PTPRD: variants seen among roughly 807,000 people sequenced by gnomAD.
PTPRD encodes the protein protein tyrosine phosphatase receptor type D.
A neutral mutation model predicts 214.5 loss-of-function variants in PTPRD; 34 were observed. The observed-to-expected ratio is 0.16, with a 90% confidence interval of 0.12 to 0.21. The LOEUF (loss-of-function observed/expected upper bound fraction) is 0.21. Among genes scored for constraint, PTPRD ranks in the 10% least tolerant of loss-of-function variants. PTPRD has a pLI of 1.00. For missense variants in PTPRD, 2,545 were observed against 2,398.7 expected (o/e 1.06, Z -1.27); for synonymous variants, 1,128 against 845.7 (o/e 1.33, Z -5.79).
intron 2 of PTPRD, among the ~76,000 whole-genome samples, chr9:10,611,658 C>A (rs2081002743): frequency 6.6e-6 from 1 of 152,166 alleles, no homozygotes; most frequent in African/African-American, 2.4e-5. Flanking sequence ...TAGGAGACAC[C>A]TTAAACCTGT....
At chr9:9,089,439 T>C (rs2099772305) in intron 10 of PTPRD, among the ~76,000 whole-genome samples, 1 of 152,166 alleles carries the variant, frequency 6.6e-6, no homozygotes. Flanking sequence ...GTACGAATAT[T>C]AATATTTGAT....
chr9:9,955,669 G>A (rs1339635353), intron 4 of PTPRD, among the ~76,000 whole-genome samples: 13 of 151,942 alleles, frequency 8.6e-5, no homozygotes, highest in Non-Finnish European at 1.8e-4. Context: ...GACTACAGGT[G>A]CCCGCCACCA....
At chr9:9,927,805 A>G (rs1202842008) in intron 5 of PTPRD, among the ~76,000 whole-genome samples, 1 of 151,998 alleles carries the variant, frequency 6.6e-6, no homozygotes, top group Non-Finnish European at 1.5e-5. Flanking sequence ...TTCAGAGTCA[A>G]TTTCATTCTT....
intron 10 of PTPRD, among the ~76,000 whole-genome samples, chr9:9,099,661 A>C (rs919866111): frequency 7.9e-5 from 12 of 152,172 alleles, no homozygotes; most frequent in African/African-American, 2.2e-4. Flanking sequence ...TTTAAGAATA[A>C]AAATATTCCA....
At chr9:9,600,095 ATGT>A (rs1368669678) in intron 7 of PTPRD, among the ~76,000 whole-genome samples, 1 of 152,034 alleles carries the variant, frequency 6.6e-6, no homozygotes, top group East Asian at 1.9e-4. Flanking sequence ...GACTGATCTT[ATGT>A]TGTTTATGTG....
chr9:8,735,960 CAGAG>C (rs2090250126), intron 11 of PTPRD, among the ~76,000 whole-genome samples: 2 of 148,954 alleles, frequency 1.3e-5, no homozygotes, highest in Admixed American at 6.7e-5. Flanking sequence ...AAATAGGTCA[CAGAG>C]AGCCTTGGAT....
intron 4 of PTPRD, among the ~76,000 whole-genome samples, chr9:9,990,448 G>GCTCCCCTCCTTACCAC (rs1320341043): frequency 3.9e-5 from 6 of 152,150 alleles, no homozygotes; most frequent in African/African-American, 1.2e-4. Context: ...GGGCTTGGCG[G>GCTCCCCTCCTTACCAC]CTCCCCTCCT....
At chr9:9,718,912 AGCCGGAGGCAGACAGG>A (rs940567002) in intron 7 of PTPRD, among the ~76,000 whole-genome samples, 95 of 152,166 alleles carry the variant, frequency 6.2e-4, no homozygotes, top group Non-Finnish European at 1.1e-3. Context: ...CATTAATGGC[AGCCGGAGGCAGACAGG>A]TTCCTAAGTG....
At chr9:10,024,149 T>A (rs1473484044) in intron 4 of PTPRD, among the ~76,000 whole-genome samples, 6 of 152,156 alleles carry the variant, frequency 3.9e-5, no homozygotes, top group South Asian at 2.1e-4. Context: ...GGATAACAAA[T>A]GTTTCAGTAA....
At chr9:9,215,778 A>G (rs1179507584) in intron 9 of PTPRD, among the ~76,000 whole-genome samples, 1 of 152,216 alleles carries the variant, frequency 6.6e-6, no homozygotes, top group Non-Finnish European at 1.5e-5. Context: ...GATTCACTGT[A>G]GAATGATTCA....
chr9:10,199,140 C>T (rs1416776451), intron 3 of PTPRD, among the ~76,000 whole-genome samples: 1 of 151,756 alleles, frequency 6.6e-6, no homozygotes, highest in Non-Finnish European at 1.5e-5. Context: ...GGAGTGGATG[C>T]AGTACTCACA....
intron 8 of PTPRD, among the ~76,000 whole-genome samples, chr9:9,497,682 A>G (rs2096251141): frequency 6.6e-6 from 1 of 152,164 alleles, no homozygotes; most frequent in Non-Finnish European, 1.5e-5. Context: ...ACATTATCTC[A>G]TTTATAGAGA....
intron 11 of PTPRD, among the ~76,000 whole-genome samples, chr9:8,817,623 CCT>C (rs769703674): frequency 7.2e-5 from 11 of 151,810 alleles, no homozygotes; most frequent in African/African-American, 9.7e-5. Context: ...ACAGCAAGCC[CCT>C]GTCTCTAAAG....
chr9:10,501,970 T>C (rs2043889473), intron 2 of PTPRD, among the ~76,000 whole-genome samples: 1 of 151,980 alleles, frequency 6.6e-6, no homozygotes, highest in Non-Finnish European at 1.5e-5. Context: ...TCATTATGTT[T>C]TTAAAGCTCC....
intron 14 of PTPRD, among the ~76,000 whole-genome samples, chr9:8,558,866 T>C (rs2085034987): frequency 6.6e-6 from 1 of 152,160 alleles, no homozygotes; most frequent in African/African-American, 2.4e-5. Context: ...GTGCTTGGCA[T>C]TCTAAAAAAA....
chr9:8,392,061 G>C (rs949608775), intron 36 of PTPRD, among the ~76,000 whole-genome samples: 1 of 152,036 alleles, frequency 6.6e-6, no homozygotes, highest in South Asian at 2.1e-4. Context: ...TAGGCACCAG[G>C]AATCAATACT....
intron 14 of PTPRD, among the ~76,000 whole-genome samples, chr9:8,631,624 G>A (rs920031101): frequency 7.9e-5 from 12 of 151,722 alleles, no homozygotes; most frequent in African/African-American, 2.7e-4. Flanking sequence ...GAATAGTGCT[G>A]GAAATCTCAC....
At chr9:9,023,829 G>A (rs2099577731) in intron 10 of PTPRD, among the ~76,000 whole-genome samples, 1 of 151,910 alleles carries the variant, frequency 6.6e-6, no homozygotes, top group African/African-American at 2.4e-5. Flanking sequence ...TTGCTGCAAA[G>A]GACATGATTA....
chr9:10,597,682 C>T (rs1298027564), intron 2 of PTPRD, among the ~76,000 whole-genome samples: 1 of 151,726 alleles, frequency 6.6e-6, no homozygotes, highest in East Asian at 1.9e-4. Flanking sequence ...CATTAACTTC[C>T]ACCAGAAGTC....
Sources: allele counts gnomAD v4.1 joint callset (sites outside exome capture counted in the v4.1 genomes callset), GRCh38; gene constraint gnomAD v4.1.1; transcripts MANE v1.5; gene names NCBI Gene and HGNC (gene_info 2026-07-23, HGNC 2026-07-21).